Variants in ACOT1 observed in about 807,000 individuals in gnomAD.
ACOT1 encodes acyl-coenzyme A thioesterase 1.
A neutral mutation model predicts 15.7 loss-of-function variants in ACOT1; 8 were observed. That is an observed-to-expected ratio of 0.51 (90% CI 0.30 to 0.92). The LOEUF is 0.92. Among genes scored for constraint, ACOT1 ranks in the 40% least tolerant of loss-of-function variants. The probability of loss-of-function intolerance (pLI) is 0.06; values close to 1 mark genes in which losing one functional copy is unlikely to be tolerated. For missense variants in ACOT1, 151 were observed against 539.4 expected (o/e 0.28, Z 7.13); for synonymous variants, 67 against 241.2 (o/e 0.28, Z 6.69).
the ACOT1 span, among the ~76,000 whole-genome samples, chr14:73,516,750 C>T: frequency 6.6e-6 from 1 of 152,160 alleles, no homozygotes; most frequent in South Asian, 2.1e-4. Flanking sequence ...TGCCTCCTGT[C>T]AGATCAGCAG....
the ACOT1 span, chr14:73,518,953 G>C: frequency 6.8e-7 from 1 of 1,481,142 alleles, no homozygotes; most frequent in African/African-American, 1.4e-5. Context: ...CACATGAATA[G>C]TGGGTAATGA....
At chr14:73,517,919 C>T in the ACOT1 span, among the ~76,000 whole-genome samples, 1 of 151,920 alleles carries the variant, frequency 6.6e-6, no homozygotes, top group Non-Finnish European at 1.5e-5. Flanking sequence ...AACCCCGTCT[C>T]TACTAAAAAT....
chr14:73,505,931 C>CCCAGGCTA, the ACOT1 span, among the ~76,000 whole-genome samples: 1 of 143,504 alleles, frequency 7.0e-6, no homozygotes, highest in African/African-American at 2.6e-5. Flanking sequence ...CCCTCTGTCA[C>CCCAGGCTA]CCAGGCTAGA....
chr14:73,495,601 C>T, the ACOT1 span, among the ~76,000 whole-genome samples: 1 of 151,524 alleles, frequency 6.6e-6, no homozygotes, highest in South Asian at 2.1e-4. Context: ...AAAGAAGTAA[C>T]TAATTGCATA....
chr14:73,502,791 C>T, the ACOT1 span: 12 of 795,472 alleles, frequency 1.5e-5, no homozygotes, highest in Middle Eastern at 5.0e-4. Flanking sequence ...TCGTGATCCG[C>T]CCACCCCGTC....
chr14:73,524,017 G>A, the ACOT1 span, among the ~76,000 whole-genome samples: 2 of 151,970 alleles, frequency 1.3e-5, no homozygotes, highest in Non-Finnish European at 2.9e-5. Context: ...TAGGCCGGGC[G>A]CAGTGGCTCA....
chr14:73,491,584 G>T, the ACOT1 span: 2 of 1,544,538 alleles, frequency 1.3e-6, no homozygotes, highest in African/African-American at 1.4e-5. Flanking sequence ...GGCGCGTCTT[G>T]GCCGAGCTGA....
the ACOT1 span, among the ~76,000 whole-genome samples, chr14:73,506,052 T>C: frequency 2.4e-4 from 36 of 151,970 alleles, no homozygotes; most frequent in African/African-American, 7.7e-4. Context: ...CACCACACTC[T>C]GCTAATTTTT....
chr14:73,534,343 C>T (rs1888796295), upstream of ACOT1, among the ~76,000 whole-genome samples: 1 of 109,182 alleles, frequency 9.2e-6, no homozygotes, highest in African/African-American at 3.0e-5. Flanking sequence ...CAGACCACTG[C>T]ACTCCAGCCT....
the ACOT1 span, among the ~76,000 whole-genome samples, chr14:73,528,271 C>G: frequency 1.0e-4 from 15 of 150,724 alleles, no homozygotes; most frequent in Non-Finnish European, 1.9e-4. Context: ...GGTGGGCATC[C>G]GTAATCCCAG....
the ACOT1 span, chr14:73,512,295 G>C: frequency 2.3e-6 from 2 of 863,488 alleles, no homozygotes; most frequent in Non-Finnish European, 3.5e-6. Context: ...CAGAGATGGG[G>C]TCTTTAGGGA....
At chr14:73,523,218 C>T in the ACOT1 span, 2 of 1,452,862 alleles carry the variant, frequency 1.4e-6, no homozygotes, top group Non-Finnish European at 1.8e-6. Flanking sequence ...GAGATGAGAC[C>T]TGGCACCTGT....
the ACOT1 span, chr14:73,491,194 T>C: frequency 6.3e-7 from 1 of 1,596,370 alleles, no homozygotes; most frequent in Non-Finnish European, 8.5e-7. Context: ...AGACGCTGCC[T>C]AGCGAGAACT....
chr14:73,505,309 C>G, the ACOT1 span, among the ~76,000 whole-genome samples: 1 of 152,148 alleles, frequency 6.6e-6, no homozygotes. Flanking sequence ...ATTGCTTGTT[C>G]TTGAATCATT....
chr14:73,491,360 C>T, the ACOT1 span: 1 of 1,381,574 alleles, frequency 7.2e-7, no homozygotes, highest in Non-Finnish European at 9.3e-7. Context: ...CGCGCGCTCC[C>T]TGCAGACCCC....
the ACOT1 span, among the ~76,000 whole-genome samples, chr14:73,528,349 G>A: frequency 0.015 from 1,853 of 127,228 alleles, 51 homozygotes; most frequent in African/African-American, 0.053. Flanking sequence ...CCAAGATCGC[G>A]CCACTGGACT....
the ACOT1 span, among the ~76,000 whole-genome samples, chr14:73,507,000 C>T: frequency 4.7e-4 from 71 of 151,814 alleles, no homozygotes; most frequent in Non-Finnish European, 9.1e-4. Flanking sequence ...GGGGTTTTAC[C>T]ATGTTGGTGC....
the ACOT1 span, among the ~76,000 whole-genome samples, chr14:73,505,893 T>TC: frequency 1.4e-5 from 2 of 147,088 alleles, no homozygotes; most frequent in East Asian, 2.0e-4. Flanking sequence ...AACGTTTCTT[T>TC]TTTTTTTTTT....
chr14:73,491,529 A>T, the ACOT1 span: 1 of 1,525,958 alleles, frequency 6.6e-7, no homozygotes, highest in South Asian at 1.2e-5. Flanking sequence ...TCGGGGCCGC[A>T]GGTGGATAAC....
Sources: gnomAD v4.1 joint callset for allele counts (sites outside exome capture counted in the v4.1 genomes callset) on GRCh38, gnomAD v4.1.1 for gene constraint, MANE v1.5 for transcripts, NCBI Gene and HGNC (gene_info 2026-07-23, HGNC 2026-07-21) for gene names.